The following EVI5 variants were observed in gnomAD, a reference collection of about 807,000 sequenced individuals.
EVI5 encodes the protein ecotropic viral integration site 5 protein homolog.
EVI5 carries 73 observed loss-of-function variants against 112.0 expected under a neutral mutation model. The ratio of observed to expected loss-of-function variants is 0.65; its 90% CI spans 0.54 to 0.79. EVI5 has a LOEUF of 0.79. Among genes scored for constraint, EVI5 ranks in the 30% least tolerant of loss-of-function variants. The pLI, the probability that EVI5 is intolerant of heterozygous loss-of-function variation, is 0.00. For missense variants in EVI5, 900 were observed against 968.8 expected (o/e 0.93, Z 0.94); for synonymous variants, 305 against 319.9 (o/e 0.95, Z 0.50).
At chr1:92,686,529 T>C (rs1386245382) in intron 9 of EVI5, among the ~76,000 whole-genome samples, 1 of 152,216 alleles carries the variant, frequency 6.6e-6, no homozygotes, top group Non-Finnish European at 1.5e-5. Context: ...AACATAGTGT[T>C]GGAAGTTCTG....
chr1:92,684,157 G>C (rs551565087), intron 9 of EVI5, among the ~76,000 whole-genome samples: 2 of 152,110 alleles, frequency 1.3e-5, no homozygotes, highest in South Asian at 2.1e-4. Context: ...ACAGAGAAAG[G>C]TCGGGTTACC....
chr1:92,665,431 G>T (rs917865799), intron 11 of EVI5, among the ~76,000 whole-genome samples: 1 of 152,092 alleles, frequency 6.6e-6, no homozygotes, highest in Non-Finnish European at 1.5e-5. Context: ...GTAACAAGTA[G>T]ATACTAAAAT....
chr1:92,686,381 T>C (rs778654977), intron 9 of EVI5, among the ~76,000 whole-genome samples: 3 of 152,178 alleles, frequency 2.0e-5, no homozygotes, highest in African/African-American at 4.8e-5. Context: ...AAACTAGGTA[T>C]TGATGGAACG....
At chr1:92,686,704 A>C (rs993010673) in intron 9 of EVI5, among the ~76,000 whole-genome samples, 1 of 152,256 alleles carries the variant, frequency 6.6e-6, no homozygotes, top group Non-Finnish European at 1.5e-5. Context: ...AAGTCTCAGG[A>C]TACAAAATCA....
intron 18 of EVI5, among the ~76,000 whole-genome samples, chr1:92,582,572 AAGG>A (rs1367296869): frequency 6.6e-6 from 1 of 152,156 alleles, no homozygotes; most frequent in African/African-American, 2.4e-5. Flanking sequence ...AAGAAAAAAA[AAGG>A]AGGTGAGTAG....
chr1:92,735,950 C>T (rs1018915121), intron 2 of EVI5, among the ~76,000 whole-genome samples: 3 of 149,984 alleles, frequency 2.0e-5, no homozygotes, highest in Non-Finnish European at 3.0e-5. Flanking sequence ...GCATTCCTAG[C>T]AGAGCAGAAA....
At chr1:92,728,454 C>G (rs1675954938) in intron 2 of EVI5, among the ~76,000 whole-genome samples, 1 of 151,646 alleles carries the variant, frequency 6.6e-6, no homozygotes, top group Non-Finnish European at 1.5e-5. Flanking sequence ...GAGGCGCGAT[C>G]TCTGCTCACT....
At position 92,773,313 on chromosome 1, in the gene EVI5, C is replaced by A. The variant is rs188737267; in HGVS notation, c.-82+11523G>T. Among the ~76,000 whole-genome samples the A allele has an allele frequency of 1.0e-3, 153 of 151,906 alleles. 1 individual carries two copies. The highest frequency in any genetic ancestry group is 3.5e-3 in the African/African-American group (144 of 41,416). On this transcript the variant is annotated intron_variant, in intron 1 of 19. Transcript: ENST00000684568. ...ATTAATATGCATGGATTAAAAAGAACTACTGATATGTACAAGATCACGGAT... is the reference window on the plus strand; with the variant it reads ...ATTAATATGCATGGATTAAAAAGAAATACTGATATGTACAAGATCACGGAT...
chr1:92,763,617 A>G lies in EVI5; in HGVS notation c.-82+21219T>C, dbSNP rs1044798334. Among the ~76,000 whole-genome samples the G allele has an allele frequency of 5.9e-5, 9 of 152,050 alleles. 1 individual carries two copies. The highest frequency in any genetic ancestry group is 3.9e-4 in the Admixed American group (6 of 15,262). ...GTGAAAGAACAAGACTCTGTCTTTA[A>G]AACTAAATTAATTAATTTAATTTAA... is the stretch of plus-strand genomic sequence containing the variant. On this transcript the variant is annotated intron_variant, in intron 1 of 19. Transcript: ENST00000684568.
intron 19 of EVI5, among the ~76,000 whole-genome samples, chr1:92,532,355 T>C (rs146875857): frequency 1.1e-4 from 17 of 152,320 alleles, no homozygotes; most frequent in African/African-American, 4.1e-4. Context: ...AACACCCCAC[T>C]GTCAATATTA....
intron 1 of EVI5, among the ~76,000 whole-genome samples, chr1:92,766,279 A>G (rs1682633156): frequency 6.6e-6 from 1 of 151,830 alleles, no homozygotes; most frequent in Admixed American, 6.6e-5. Context: ...CCAACGCCAC[A>G]AACACAAAAT....
At position 92,660,278 on chromosome 1, in the gene EVI5, T is replaced by C. The variant is rs148975890; in HGVS notation, c.1392+2441A>G. 2.7e-3 allele frequency among the ~76,000 whole-genome samples: 418 copies of C among 152,196 alleles called. 6 individuals carry two copies. Among genetic ancestry groups the C allele is most frequent in the African/African-American group, 9.8e-3 (406 of 41,578 alleles). ...AATGAAATTGTCATTTGTGACAACA[T>C]GGATGAACCTGGAGGACATTATGTT... On this transcript the variant is annotated intron_variant, in intron 13 of 19. Coordinates refer to ENST00000684568, the MANE Select transcript of EVI5 (RefSeq NM_001350197.2).
At chr1:92,568,880 G>A (rs1337720671) in intron 18 of EVI5, among the ~76,000 whole-genome samples, 1 of 152,126 alleles carries the variant, frequency 6.6e-6, no homozygotes, top group African/African-American at 2.4e-5. Context: ...CATACGAAAT[G>A]TGTTCATCAA....
At chr1:92,685,854 T>C (rs990596252) in intron 9 of EVI5, among the ~76,000 whole-genome samples, 3 of 152,104 alleles carry the variant, frequency 2.0e-5, no homozygotes, top group African/African-American at 7.2e-5. Context: ...CAGGAAGAAG[T>C]AGAATCCCTG....
intron 1 of EVI5, among the ~76,000 whole-genome samples, chr1:92,758,142 A>T (rs1319854346): frequency 2.0e-5 from 3 of 152,214 alleles, no homozygotes; most frequent in Non-Finnish European, 2.9e-5. Context: ...CTATGAAACT[A>T]TTAACAGCTA....
chr1:92,775,891 G>A (rs1459383306), intron 1 of EVI5, among the ~76,000 whole-genome samples: 2 of 152,116 alleles, frequency 1.3e-5, no homozygotes, highest in East Asian at 1.9e-4. Context: ...GGTGGATCAC[G>A]AGGTCAGGAG....
At chr1:92,590,650 A>G (rs1213004211) in intron 18 of EVI5, among the ~76,000 whole-genome samples, 1 of 152,236 alleles carries the variant, frequency 6.6e-6, no homozygotes, top group Non-Finnish European at 1.5e-5. Context: ...GTGTACCTGA[A>G]AGTGACGGGG....
chr1:92,525,858 C>T (rs1011649468), intron 19 of EVI5, among the ~76,000 whole-genome samples: 20 of 152,198 alleles, frequency 1.3e-4, no homozygotes, highest in African/African-American at 4.8e-4. Context: ...TTTATTTTTA[C>T]TTTTTTCTTA....
chr1:92,604,836 T>C (rs541112185), intron 18 of EVI5, among the ~76,000 whole-genome samples: 1 of 152,322 alleles, frequency 6.6e-6, no homozygotes, highest in Admixed American at 6.5e-5. Context: ...ATTTTTCAGC[T>C]TCATTATCAT....
Sources: allele counts gnomAD v4.1 joint callset (sites outside exome capture counted in the v4.1 genomes callset), GRCh38; gene constraint gnomAD v4.1.1; transcripts MANE v1.5; gene names NCBI Gene and HGNC (gene_info 2026-07-23, HGNC 2026-07-21).